Variants in SCML4 observed in about 807,000 individuals in gnomAD.
SCML4 encodes Scm polycomb group protein like 4.
A neutral mutation model predicts 41.1 loss-of-function variants in SCML4; 34 were observed. That is an observed-to-expected ratio of 0.83 (90% CI 0.63 to 1.10). The LOEUF (loss-of-function observed/expected upper bound fraction) is 1.10, where lower values mean the gene tolerates loss of function less well. SCML4 is among the 50% of genes least tolerant of loss of function. The probability of loss-of-function intolerance (pLI) is 0.00; values close to 1 mark genes in which losing one functional copy is unlikely to be tolerated. For missense variants in SCML4, 522 were observed against 534.1 expected (o/e 0.98, Z 0.22); for synonymous variants, 214 against 220.9 (o/e 0.97, Z 0.28).
At chr6:107,830,554 T>A in the SCML4 span, among the ~76,000 whole-genome samples, 2 of 152,226 alleles carry the variant, frequency 1.3e-5, no homozygotes, top group Non-Finnish European at 2.9e-5. Flanking sequence ...TTCTCCACTA[T>A]AACCCCAGTA....
intron 1 of SCML4, among the ~76,000 whole-genome samples, chr6:107,792,899 GTATAGGA>G (rs1365279975): frequency 8.5e-5 from 13 of 152,324 alleles, no homozygotes; most frequent in African/African-American, 3.1e-4. Flanking sequence ...AATATAGATT[GTATAGGA>G]TCCAGATCAA....
At chr6:107,779,046 G>T (rs753204932) in intron 1 of SCML4, among the ~76,000 whole-genome samples, 1 of 152,078 alleles carries the variant, frequency 6.6e-6, no homozygotes, top group Non-Finnish European at 1.5e-5. Context: ...CGGGCGTGGT[G>T]GCGGGCGCCT....
Position 107,746,866 on chromosome 6 carries a change from C to T in SCML4, c.310G>A (p.Ala104Thr). 6.2e-7 allele frequency: 1 copy of T among 1,613,502 alleles called. No homozygotes were observed. Among genetic ancestry groups the T allele is most frequent in the Non-Finnish European group, 8.5e-7 (1 of 1,179,674 alleles). Residue 104 changes from alanine to threonine, a missense_variant, in exon 4 of 8, where the codon GCC becomes ACC. Coordinates refer to ENST00000369020, the MANE Select transcript of SCML4 (RefSeq NM_198081.5). ...CTCTCCAGATAGGGCCCCGCATTGG[C>T]CTGCTTGTTGATGTAGAGGCAGACT... is the stretch of plus-strand genomic sequence containing the variant. ...LTVCLYINKQ[A>T]NAGPYLERKK...
chr6:107,806,525 G>A (rs1481354485), intron 1 of SCML4, among the ~76,000 whole-genome samples: 1 of 152,210 alleles, frequency 6.6e-6, no homozygotes, highest in African/African-American at 2.4e-5. Context: ...CCAGAGCATA[G>A]TGGGGATTCT....
chr6:107,780,534 C>T (rs368927328), intron 1 of SCML4, among the ~76,000 whole-genome samples: 3 of 152,242 alleles, frequency 2.0e-5, no homozygotes, highest in African/African-American at 7.2e-5. Context: ...TGGTGAGACC[C>T]TGTCTCTACA....
chr6:107,722,000 G>A (rs867896805), intron 5 of SCML4, among the ~76,000 whole-genome samples: 1 of 53,664 alleles, frequency 1.9e-5, no homozygotes, highest in African/African-American at 5.8e-5. Flanking sequence ...TTTTTTTTTT[G>A]AGATGGAGTT....
chr6:107,751,612 T>TTCTA (rs1778658954), intron 2 of SCML4, among the ~76,000 whole-genome samples: 1 of 146,636 alleles, frequency 6.8e-6, no homozygotes, highest in African/African-American at 2.6e-5. Flanking sequence ...CTTTCTTTCT[T>TTCTA]TCTTTCTTTC....
chr6:107,813,371 T>TAAAAAAA (rs1562284376), intron 1 of SCML4, among the ~76,000 whole-genome samples: 2 of 1,948 alleles, frequency 1.0e-3, no homozygotes, highest in African/African-American at 2.8e-3. Context: ...TCAAAAAAAT[T>TAAAAAAA]ATATATATAT....
chr6:107,738,559 C>T (rs538807129), intron 5 of SCML4, among the ~76,000 whole-genome samples: 129 of 151,640 alleles, frequency 8.5e-4, no homozygotes, highest in Non-Finnish European at 1.3e-3. Flanking sequence ...AGGTGGAGGT[C>T]GCAGTGAGCC....
the SCML4 span, among the ~76,000 whole-genome samples, chr6:107,845,377 C>A: frequency 6.6e-6 from 1 of 152,208 alleles, no homozygotes; most frequent in Non-Finnish European, 1.5e-5. Context: ...ATCACTGGAG[C>A]CTAGAGACGC....
At chr6:107,844,347 A>G in the SCML4 span, among the ~76,000 whole-genome samples, 6 of 152,226 alleles carry the variant, frequency 3.9e-5, no homozygotes, top group African/African-American at 1.4e-4. Context: ...TTTTTACCTT[A>G]AATGTATTAA....
intron 1 of SCML4, among the ~76,000 whole-genome samples, chr6:107,822,947 GT>G (rs1225995121): frequency 4.7e-5 from 7 of 150,450 alleles, no homozygotes; most frequent in Non-Finnish European, 1.0e-4. Context: ...CCCCCAGATA[GT>G]TTAACACACT....
chr6:107,705,127 C>T lies in SCML4; in HGVS notation c.*73G>A, dbSNP rs763104781. ...AGGAGAGTCTAGTTTGTGATGTTGGCGGGATATTGGTAAGGCAGAAGATAA... is the reference window on the plus strand; with the variant it reads ...AGGAGAGTCTAGTTTGTGATGTTGGTGGGATATTGGTAAGGCAGAAGATAA... On this transcript the variant is annotated 3_prime_UTR_variant, in exon 8 of 8. Transcript: ENST00000369020. The T allele has an allele frequency of 9.6e-5, 128 of 1,332,522 alleles. No homozygotes were observed. Among genetic ancestry groups the T allele is most frequent in the Middle Eastern group, 1.8e-4 (1 of 5,620 alleles). 82.5% of individuals were successfully genotyped at this position (1,332,522 alleles called of 1,614,324 possible).
chr6:107,771,762 G>A (rs929579551), intron 2 of SCML4, among the ~76,000 whole-genome samples: 1 of 152,132 alleles, frequency 6.6e-6, no homozygotes, highest in Non-Finnish European at 1.5e-5. Flanking sequence ...AATGTCTCAG[G>A]AACATCATCT....
intron 1 of SCML4, among the ~76,000 whole-genome samples, chr6:107,787,552 G>C (rs13191632): frequency 0.075 from 11,400 of 152,144 alleles, 475 homozygotes; most frequent in African/African-American, 0.093. Context: ...CTGGTGGTTT[G>C]GTGTTTGGGT....
chr6:107,818,809 C>G (rs1350486657), intron 1 of SCML4, among the ~76,000 whole-genome samples: 1 of 152,234 alleles, frequency 6.6e-6, no homozygotes, highest in Non-Finnish European at 1.5e-5. Context: ...GAGGCCAGCC[C>G]CTGGCCGACT....
intron 5 of SCML4, among the ~76,000 whole-genome samples, chr6:107,743,699 T>G (rs971899622): frequency 1.3e-5 from 2 of 152,182 alleles, no homozygotes; most frequent in East Asian, 1.9e-4. Flanking sequence ...GTAAATAGCA[T>G]CTGCTCACAC....
chr6:107,709,148 A>G (rs777784060), intron 6 of SCML4, among the ~76,000 whole-genome samples: 5 of 151,974 alleles, frequency 3.3e-5, no homozygotes, highest in African/African-American at 4.8e-5. Flanking sequence ...ACTGCCTCAC[A>G]TTCTCCCTAA....
chr6:107,788,965 C>T (rs570612481), intron 1 of SCML4, among the ~76,000 whole-genome samples: 9 of 152,302 alleles, frequency 5.9e-5, no homozygotes, highest in African/African-American at 2.2e-4. Flanking sequence ...AAAATGCAGC[C>T]TAATTTGCTT....
Sources: allele counts gnomAD v4.1 joint callset (sites outside exome capture counted in the v4.1 genomes callset), GRCh38; gene constraint gnomAD v4.1.1; transcripts MANE v1.5; gene names NCBI Gene and HGNC (gene_info 2026-07-23, HGNC 2026-07-21).